NCOA1: variants seen among roughly 807,000 people sequenced by gnomAD.
NCOA1 encodes the protein Hin-2 protein.
NCOA1 carries 35 observed loss-of-function variants against 150.9 expected under a neutral mutation model. The observed-to-expected ratio is 0.23, with a 90% CI of 0.18 to 0.31. NCOA1 has a LOEUF of 0.31. Ranked by LOEUF, NCOA1 falls within the 10% of genes least tolerant of loss-of-function variation. NCOA1 has a pLI of 1.00. For synonymous variants in NCOA1, 590 were observed against 630.0 expected (o/e 0.94, Z 0.95); for missense variants, 1,491 against 1,749.3 (o/e 0.85, Z 2.63).
At chr2:24,596,357 A>T (rs1342811150) in intron 3 of NCOA1, among the ~76,000 whole-genome samples, 1 of 152,184 alleles carries the variant, frequency 6.6e-6, no homozygotes, top group East Asian at 1.9e-4. Context: ...CTGATTACTT[A>T]ACCTGAAGAA....
intron 3 of NCOA1, among the ~76,000 whole-genome samples, chr2:24,595,767 G>T (rs12990071): frequency 0.81 from 122,669 of 152,028 alleles, 51,405 homozygotes; most frequent in East Asian, 0.99. Flanking sequence ...TAGAGGTTAT[G>T]GAGCTCTCAA....
chr2:24,496,905 A>G (rs897984975), intron 1 of NCOA1, among the ~76,000 whole-genome samples: 4 of 152,244 alleles, frequency 2.6e-5, no homozygotes, highest in African/African-American at 9.6e-5. Context: ...TGACCAAAAT[A>G]TGACTCTCAA....
intron 1 of NCOA1, among the ~76,000 whole-genome samples, chr2:24,509,959 T>C (rs764552378): frequency 1.3e-5 from 2 of 152,358 alleles, no homozygotes; most frequent in Middle Eastern, 3.4e-3. Context: ...ATTAAAGTAC[T>C]TACCACTAAT....
chr2:24,659,049 C>G (rs1312850866), intron 5 of NCOA1: 4 of 306,620 alleles, frequency 1.3e-5, no homozygotes, highest in African/African-American at 2.1e-5. Flanking sequence ...ACTGTTAGAT[C>G]AAGTTCCTCC....
chr2:24,690,716 G>C (rs1423570589), intron 8 of NCOA1, among the ~76,000 whole-genome samples: 1 of 143,752 alleles, frequency 7.0e-6, no homozygotes, highest in Non-Finnish European at 1.5e-5. Flanking sequence ...TCATGACCAC[G>C]TGATTTAAAC....
intron 3 of NCOA1, among the ~76,000 whole-genome samples, chr2:24,634,779 A>G (rs1439459534): frequency 3.7e-5 from 5 of 133,566 alleles, no homozygotes; most frequent in African/African-American, 1.4e-4. Context: ...TGGCACAATT[A>G]TAGCTTGCAG....
At chr2:24,668,584 G>A (rs377411320) in intron 6 of NCOA1, among the ~76,000 whole-genome samples, 2 of 152,074 alleles carry the variant, frequency 1.3e-5, no homozygotes, top group African/African-American at 4.8e-5. Flanking sequence ...AGTCTCAAAG[G>A]TATTACCTCC....
intron 1 of NCOA1, among the ~76,000 whole-genome samples, chr2:24,541,570 A>G (rs180757846): frequency 6.6e-5 from 10 of 152,350 alleles, no homozygotes; most frequent in Admixed American, 1.3e-4. Context: ...TAAGGCTACT[A>G]TGGAGGCTAG....
chr2:24,709,019 C>T (rs1339348739), intron 13 of NCOA1, among the ~76,000 whole-genome samples: 1 of 152,176 alleles, frequency 6.6e-6, no homozygotes, highest in Admixed American at 6.5e-5. Context: ...TGCTTCATAT[C>T]ATCTCTGTTT....
chr2:24,622,886 A>T (rs1255672409), intron 3 of NCOA1, among the ~76,000 whole-genome samples: 3 of 152,172 alleles, frequency 2.0e-5, no homozygotes, highest in Non-Finnish European at 4.4e-5. Context: ...ATAGATTTTT[A>T]AGTTGAATGT....
chr2:24,531,631 G>T (rs768302439), intron 1 of NCOA1, among the ~76,000 whole-genome samples: 2 of 151,956 alleles, frequency 1.3e-5, no homozygotes, highest in Admixed American at 6.6e-5. Context: ...GATAGGCCCC[G>T]GTGTGTGATG....
intron 20 of NCOA1, among the ~76,000 whole-genome samples, chr2:24,754,525 C>T (rs996120822): frequency 6.6e-6 from 1 of 152,164 alleles, no homozygotes; most frequent in African/African-American, 2.4e-5. Flanking sequence ...CATGGCTTGT[C>T]TCTCACAGTT....
chr2:24,730,061 G>C (rs1019281325), intron 17 of NCOA1, among the ~76,000 whole-genome samples: 2 of 152,112 alleles, frequency 1.3e-5, no homozygotes, highest in African/African-American at 4.8e-5. Context: ...GGCCAGGATG[G>C]TCTCGATCTG....
chr2:24,502,447 C>T (rs935415368), intron 1 of NCOA1, among the ~76,000 whole-genome samples: 1 of 152,166 alleles, frequency 6.6e-6, no homozygotes, highest in African/African-American at 2.4e-5. Context: ...TGGTCCCACT[C>T]CCCAGTGAGT....
At chr2:24,551,814 CATG>C (rs1665843648) in intron 1 of NCOA1, among the ~76,000 whole-genome samples, 1 of 152,128 alleles carries the variant, frequency 6.6e-6, no homozygotes, top group Non-Finnish European at 1.5e-5. Context: ...TTGTGTAAGA[CATG>C]AGGTGTGGGT....
chr2:24,535,115 T>C (rs750541064), intron 1 of NCOA1, among the ~76,000 whole-genome samples: 1 of 152,204 alleles, frequency 6.6e-6, no homozygotes, highest in Non-Finnish European at 1.5e-5. Flanking sequence ...AGGACTTGCT[T>C]TATGTATCTG....
chr2:24,715,196 C>T (rs538086234), intron 14 of NCOA1, among the ~76,000 whole-genome samples: 21 of 152,056 alleles, frequency 1.4e-4, no homozygotes, highest in African/African-American at 4.1e-4. Flanking sequence ...GAAACTCTAA[C>T]CTACAGAAAA....
At chr2:24,500,818 C>G (rs1334733540) in intron 1 of NCOA1, among the ~76,000 whole-genome samples, 1 of 152,052 alleles carries the variant, frequency 6.6e-6, no homozygotes, top group African/African-American at 2.4e-5. Flanking sequence ...AAGTTCTTAA[C>G]AGTGATTCAA....
chr2:24,733,751 A>G (rs931122003), intron 17 of NCOA1, among the ~76,000 whole-genome samples: 10 of 152,108 alleles, frequency 6.6e-5, no homozygotes, highest in African/African-American at 2.2e-4. Flanking sequence ...CTCAAAAACA[A>G]AACAAAACAA....
Sources: allele counts gnomAD v4.1 joint callset (sites outside exome capture counted in the v4.1 genomes callset), GRCh38; gene constraint gnomAD v4.1.1; transcripts MANE v1.5; gene names NCBI Gene and HGNC (gene_info 2026-07-23, HGNC 2026-07-21).